The following LOC128092253 variants were observed in gnomAD, a reference collection of about 807,000 sequenced individuals.
At chr6:133,954,845 C>G in the LOC128092253 span, among the ~76,000 whole-genome samples, 3 of 152,126 alleles carry the variant, frequency 2.0e-5, no homozygotes, top group African/African-American at 7.2e-5. Flanking sequence ...TGACCTATTA[C>G]TATGTGCCCT....
At chr6:133,979,633 G>C in the LOC128092253 span, among the ~76,000 whole-genome samples, 13 of 152,188 alleles carry the variant, frequency 8.5e-5, no homozygotes, top group Non-Finnish European at 1.6e-4. Context: ...TTTTAGTGGG[G>C]AAAAGAAAGG....
the LOC128092253 span, among the ~76,000 whole-genome samples, chr6:133,954,870 T>C: frequency 6.6e-6 from 1 of 152,142 alleles, no homozygotes; most frequent in Non-Finnish European, 1.5e-5. Context: ...TGGGCTGGCT[T>C]GTTCCTGAAT....
the LOC128092253 span, among the ~76,000 whole-genome samples, chr6:133,970,164 C>CT: frequency 6.6e-6 from 1 of 152,204 alleles, no homozygotes; most frequent in Non-Finnish European, 1.5e-5. Context: ...TCAATTGACT[C>CT]TGTCAATTTT....
chr6:133,954,355 T>G, the LOC128092253 span, among the ~76,000 whole-genome samples: 2 of 152,128 alleles, frequency 1.3e-5, no homozygotes, highest in Non-Finnish European at 2.9e-5. Flanking sequence ...GTGGATTCTC[T>G]GGGAAAATAT....
At chr6:133,977,224 T>C in the LOC128092253 span, among the ~76,000 whole-genome samples, 1 of 152,166 alleles carries the variant, frequency 6.6e-6, no homozygotes, top group Non-Finnish European at 1.5e-5. Flanking sequence ...ATTGCATCTT[T>C]AATTGAAAAC....
the LOC128092253 span, among the ~76,000 whole-genome samples, chr6:133,959,641 C>G: frequency 1.3e-5 from 2 of 152,104 alleles, no homozygotes; most frequent in African/African-American, 2.4e-5. Flanking sequence ...ACCACCACAC[C>G]TGGCCATTTT....
At chr6:133,979,737 C>G in the LOC128092253 span, among the ~76,000 whole-genome samples, 1 of 151,970 alleles carries the variant, frequency 6.6e-6, no homozygotes, top group Non-Finnish European at 1.5e-5. Flanking sequence ...ACCTCCGCCT[C>G]CCAGGTTCAA....
chr6:133,966,373 C>T, the LOC128092253 span, among the ~76,000 whole-genome samples: 1 of 152,068 alleles, frequency 6.6e-6, no homozygotes, highest in Admixed American at 6.5e-5. Flanking sequence ...TACCATTGAC[C>T]AAATGGGACT....
chr6:133,964,670 G>T, the LOC128092253 span, among the ~76,000 whole-genome samples: 1 of 151,908 alleles, frequency 6.6e-6, no homozygotes, highest in Non-Finnish European at 1.5e-5. Flanking sequence ...GGATGGTCTC[G>T]ATCTCCTGAC....
the LOC128092253 span, among the ~76,000 whole-genome samples, chr6:133,968,134 G>A: frequency 1.3e-5 from 2 of 151,760 alleles, no homozygotes; most frequent in South Asian, 2.1e-4. Context: ...GACTACAGGC[G>A]CGTGCCACCA....
chr6:133,972,219 T>C, the LOC128092253 span, among the ~76,000 whole-genome samples: 1 of 152,244 alleles, frequency 6.6e-6, no homozygotes, highest in African/African-American at 2.4e-5. Context: ...AAAGTCTGTC[T>C]ACATAACCAC....
At chr6:133,969,442 G>A in the LOC128092253 span, among the ~76,000 whole-genome samples, 1 of 151,924 alleles carries the variant, frequency 6.6e-6, no homozygotes, top group African/African-American at 2.4e-5. Flanking sequence ...TCTAGATTGA[G>A]TCTCATAGAT....
At chr6:133,963,874 C>CA in the LOC128092253 span, among the ~76,000 whole-genome samples, 10,291 of 94,386 alleles carry the variant, frequency 0.11, 700 homozygotes, top group African/African-American at 0.26. Context: ...ACTAAAAATA[C>CA]AAAAAAAAAA....
At chr6:133,962,793 G>A in the LOC128092253 span, among the ~76,000 whole-genome samples, 2 of 152,172 alleles carry the variant, frequency 1.3e-5, no homozygotes, top group Non-Finnish European at 2.9e-5. Flanking sequence ...GCCTTCTCAG[G>A]TACAGATTAG....
the LOC128092253 span, among the ~76,000 whole-genome samples, chr6:133,956,175 C>A: frequency 6.6e-6 from 1 of 152,106 alleles, no homozygotes. Flanking sequence ...AAAATATGAA[C>A]GTTGCAGTTG....
chr6:133,973,415 G>T, the LOC128092253 span, among the ~76,000 whole-genome samples: 1 of 152,050 alleles, frequency 6.6e-6, no homozygotes, highest in Non-Finnish European at 1.5e-5. Context: ...GTATTCTCAG[G>T]TTTATTTATT....
At chr6:133,979,910 G>A in the LOC128092253 span, among the ~76,000 whole-genome samples, 1 of 152,122 alleles carries the variant, frequency 6.6e-6, no homozygotes, top group South Asian at 2.1e-4. Context: ...GCCTCCCAAA[G>A]TGCTGGGATT....
chr6:133,973,839 A>G, the LOC128092253 span, among the ~76,000 whole-genome samples: 66 of 152,298 alleles, frequency 4.3e-4, 1 homozygote, highest in Admixed American at 1.9e-3. Context: ...CTTGAGAAAC[A>G]GGACAAAACA....
the LOC128092253 span, among the ~76,000 whole-genome samples, chr6:133,977,924 T>C: frequency 6.6e-6 from 1 of 152,240 alleles, no homozygotes; most frequent in South Asian, 2.1e-4. Flanking sequence ...GAGCCCTTGC[T>C]GGCTTAGTTG....
Sources: allele counts gnomAD v4.1 joint callset (sites outside exome capture counted in the v4.1 genomes callset), GRCh38; gene constraint gnomAD v4.1.1; transcripts MANE v1.5.